SOHLH2: variants seen among roughly 807,000 people sequenced by gnomAD.
SOHLH2 encodes spermatogenesis- and oogenesis-specific basic helix-loop-helix-containing protein 2.
In SOHLH2, 22 loss-of-function variants were observed where a neutral mutation model predicts 50.4. The observed-to-expected ratio is 0.44, with a 90% CI of 0.31 to 0.62. The LOEUF (loss-of-function observed/expected upper bound fraction) is 0.62. Ranked by LOEUF, SOHLH2 falls within the 20% of genes least tolerant of loss-of-function variation. SOHLH2 has a pLI of 0.08. For missense variants in SOHLH2, 412 were observed against 504.4 expected (o/e 0.82, Z 1.76); for synonymous variants, 185 against 187.3 (o/e 0.99, Z 0.10).
intron 1 of SOHLH2, among the ~76,000 whole-genome samples, chr13:36,212,025 G>A (rs984925452): frequency 6.6e-6 from 1 of 152,156 alleles, no homozygotes; most frequent in Non-Finnish European, 1.5e-5. Context: ...CCTCCCCTTA[G>A]AGGCTCAGTT....
intron 2 of SOHLH2, among the ~76,000 whole-genome samples, chr13:36,198,290 G>A (rs1297464542): frequency 3.3e-5 from 5 of 152,158 alleles, no homozygotes; most frequent in Admixed American, 6.6e-5. Flanking sequence ...ATATACTGAC[G>A]AGTTTAAAAC....
chr13:36,203,949 T>C (rs978669632), intron 1 of SOHLH2, among the ~76,000 whole-genome samples: 1 of 123,442 alleles, frequency 8.1e-6, no homozygotes, highest in Non-Finnish European at 1.6e-5. Context: ...TAATTCTTTT[T>C]TTTTGTTTTT....
intron 5 of SOHLH2, among the ~76,000 whole-genome samples, chr13:36,191,095 G>T (rs920252916): frequency 2.0e-5 from 3 of 152,114 alleles, no homozygotes; most frequent in African/African-American, 4.8e-5. Context: ...AAAGTGAAGG[G>T]AAGAAATTCA....
intron 6 of SOHLH2, among the ~76,000 whole-genome samples, chr13:36,180,934 G>A (rs1389313792): frequency 6.6e-6 from 1 of 151,968 alleles, no homozygotes; most frequent in Admixed American, 6.5e-5. Context: ...CTGATTTTCT[G>A]GTGTCCAGTT....
In SOHLH2 at chr13:36,175,972, T is replaced by TATA. The variant is rs770027997; in HGVS notation, c.642-1104_642-1103insTAT. On this transcript the variant is annotated intron_variant, in intron 6 of 10. Coordinates refer to ENST00000379881, the MANE Select transcript of SOHLH2 (RefSeq NM_017826.3). ...TGAATCTAAAACACAGAGCACAGTA[T>TATA]GTATACACAGAAACCCATTAGAGCA... is the stretch of plus-strand genomic sequence containing the variant. Among the ~76,000 whole-genome samples the TATA allele has an allele frequency of 1.4e-4, 22 of 152,282 alleles. No homozygotes were observed. The South Asian group carries it at 4.6e-3, about 32-fold the overall frequency.
chr13:36,172,116 A>G (rs1269228628), intron 9 of SOHLH2, among the ~76,000 whole-genome samples: 1 of 152,178 alleles, frequency 6.6e-6, no homozygotes, highest in Non-Finnish European at 1.5e-5. Context: ...GTCTATTCCT[A>G]GCATATCTCT....
chr13:36,172,325 T>C (rs1886981797), intron 9 of SOHLH2, among the ~76,000 whole-genome samples: 1 of 152,258 alleles, frequency 6.6e-6, no homozygotes, highest in African/African-American at 2.4e-5. Context: ...GCTGATTTAA[T>C]CATTCCATGT....
At chr13:36,175,010 G>A in intron 6 of SOHLH2, 141 bp from the exon 7 acceptor site, 4 of 1,271,588 alleles carry the variant, frequency 3.1e-6, no homozygotes, top group South Asian at 1.9e-5. Flanking sequence ...GAGAAAGGCT[G>A]TGTCCCCACA....
chr13:36,172,746 G>A (rs535398146), intron 9 of SOHLH2, among the ~76,000 whole-genome samples: 5 of 152,176 alleles, frequency 3.3e-5, no homozygotes, highest in South Asian at 4.1e-4. Context: ...ACTAACTAGC[G>A]CAGGTGAGGG....
chr13:36,197,006 C>CT (rs1555245300), intron 2 of SOHLH2, among the ~76,000 whole-genome samples: 1 of 152,154 alleles, frequency 6.6e-6, no homozygotes, highest in Non-Finnish European at 1.5e-5. Flanking sequence ...AAAATGTTCT[C>CT]TTTTTTTGTG....
intron 1 of SOHLH2, among the ~76,000 whole-genome samples, chr13:36,203,783 T>C (rs1868576198): frequency 6.6e-6 from 1 of 152,108 alleles, no homozygotes; most frequent in Non-Finnish European, 1.5e-5. Flanking sequence ...TTAGTGGCAA[T>C]TTGCATTTTA....
At chr13:36,203,962 T>G (rs562744054) in intron 1 of SOHLH2, among the ~76,000 whole-genome samples, 2 of 147,558 alleles carry the variant, frequency 1.4e-5, no homozygotes, top group South Asian at 2.1e-4. Context: ...TTGTTTTTTT[T>G]TTTTTTTTTG....
intron 2 of SOHLH2, among the ~76,000 whole-genome samples, chr13:36,195,750 A>G (rs889731230): frequency 6.6e-5 from 10 of 152,314 alleles, no homozygotes; most frequent in South Asian, 2.1e-4. Context: ...TAATTACTTC[A>G]GACTAGCAGG....
chr13:36,204,137 G>T (rs1033607978), intron 1 of SOHLH2, among the ~76,000 whole-genome samples: 4 of 151,770 alleles, frequency 2.6e-5, no homozygotes, highest in African/African-American at 7.3e-5. Context: ...TTTTAGTAGA[G>T]ATGAGGTTTC....
chr13:36,205,715 G>C (rs964070355), intron 1 of SOHLH2, among the ~76,000 whole-genome samples: 5 of 151,936 alleles, frequency 3.3e-5, no homozygotes, highest in African/African-American at 1.2e-4. Context: ...TTAGGTATCA[G>C]GGTTATGCCA....
At chr13:36,205,328 C>G (rs754357792) in intron 1 of SOHLH2, among the ~76,000 whole-genome samples, 1 of 152,052 alleles carries the variant, frequency 6.6e-6, no homozygotes, top group Non-Finnish European at 1.5e-5. Context: ...AGTAGGTGTT[C>G]CTGTCTTGTT....
intron 1 of SOHLH2, among the ~76,000 whole-genome samples, chr13:36,210,160 C>T (rs183194762): frequency 2.1e-3 from 326 of 152,194 alleles, no homozygotes; most frequent in African/African-American, 7.4e-3. Flanking sequence ...TTAAAGGCAC[C>T]ATTGCTCCTG....
intron 6 of SOHLH2, chr13:36,183,256 T>TTTC (rs1340202918): frequency 3.8e-6 from 1 of 265,376 alleles, no homozygotes; most frequent in African/African-American, 2.2e-5. Context: ...GTCTCTGGTA[T>TTTC]TTCTTTATAG....
intron 2 of SOHLH2, among the ~76,000 whole-genome samples, chr13:36,195,835 G>C (rs1344471169): frequency 3.3e-5 from 5 of 152,140 alleles, no homozygotes; most frequent in African/African-American, 1.2e-4. Context: ...GGGGAGTTTA[G>C]GCTGAGAGAG....
Sources: allele counts gnomAD v4.1 joint callset (sites outside exome capture counted in the v4.1 genomes callset), GRCh38; gene constraint gnomAD v4.1.1; transcripts MANE v1.5; gene names NCBI Gene and HGNC (gene_info 2026-07-23, HGNC 2026-07-21).